KIRREL3: variants seen among roughly 807,000 people sequenced by gnomAD.
The protein encoded by KIRREL3 is kin of IRRE-like protein 3.
In KIRREL3, 36 loss-of-function variants were observed where a neutral mutation model predicts 89.7. The observed-to-expected ratio is 0.40, with a 90% CI of 0.31 to 0.53. KIRREL3 has a LOEUF of 0.53. Among genes scored for constraint, KIRREL3 ranks in the 20% least tolerant of loss-of-function variants. KIRREL3 has a pLI of 0.49. For missense variants in KIRREL3, 864 were observed against 1,056.6 expected, an observed-to-expected ratio of 0.82 and a Z score of 2.53; for synonymous variants, 445 against 441.4, an observed-to-expected ratio of 1.01 and a Z score of -0.10.
At position 126,723,628 on chromosome 11, in the gene KIRREL3, T is replaced by C. The variant is rs60636698; in HGVS notation, c.56-160716A>G. On this transcript the variant is annotated intron_variant, in intron 1 of 16. Coordinates refer to ENST00000525144, the MANE Select transcript of KIRREL3 (RefSeq NM_032531.4). This position sits in a 1 kb window ranked among gnomAD's most constrained non-coding sequence, Gnocchi z 4.0. The stretch of plus-strand genomic sequence containing the variant: ...GCAAACAGAACATTTTCTACTTTTC[T>C]ATACTGTAAGATTTTTGAAAGCAGT... Among the ~76,000 whole-genome samples the C allele has an allele frequency of 0.014, 2,080 of 152,342 alleles. 43 individuals are homozygous for C. The highest frequency in any genetic ancestry group is 0.044 in the African/African-American group (1,841 of 41,570).
rs1259011161 is a variant in KIRREL3 at position 126,537,940 on chromosome 11, C to A, written c.134-11253G>T. Among the ~76,000 whole-genome samples, 2 of 152,136 alleles carry A rather than the reference C, an allele frequency of 1.3e-5. No individual in the cohort carries two copies. Among genetic ancestry groups the A allele is most frequent in the Non-Finnish European group, 2.9e-5 (2 of 68,034 alleles). ...AGGCTTTGCAAATCTGAAGTTGCAC[C>A]CATTAGAATGCTGCATGGGTGGTGC... On this transcript the variant is annotated intron_variant, in intron 2 of 16. Coordinates refer to ENST00000525144, the MANE Select transcript of KIRREL3 (RefSeq NM_032531.4). This position sits in a 1 kb window ranked among gnomAD's most constrained non-coding sequence, Gnocchi z 4.3.
At position 126,454,857 on chromosome 11, in the gene KIRREL3, A is replaced by G. The variant is rs547450625; in HGVS notation, c.848+1492T>C. 1.3e-5 allele frequency among the ~76,000 whole-genome samples: 2 copies of G among 152,292 alleles called. No individual in the cohort carries two copies. Among genetic ancestry groups the G allele is most frequent in the South Asian group, 4.1e-4 (2 of 4,822 alleles). On this transcript the variant is annotated intron_variant, in intron 7 of 16. Transcript: ENST00000525144. This position sits in a 1 kb window ranked among gnomAD's most constrained non-coding sequence, Gnocchi z 5.8. ...CTAGTCAAGCAAATGGTTAAACTGG[A>G]CAGGACAAATGGGTTTCATCCTATT...
chr11:126,895,539 G>C (rs1392448086), intron 1 of KIRREL3, among the ~76,000 whole-genome samples: 1 of 151,848 alleles, frequency 6.6e-6, no homozygotes, highest in Non-Finnish European at 1.5e-5. Flanking sequence ...AAGGAAGAAA[G>C]GAACTTCCAA....
Position 126,430,042 on chromosome 11 carries a change from G to A in KIRREL3, c.1697-754C>T, listed in dbSNP as rs1955071146. Among the ~76,000 whole-genome samples the A allele has an allele frequency of 6.6e-6, 1 of 152,140 alleles. No individual in the cohort carries two copies. Among genetic ancestry groups the A allele is most frequent in the East Asian group, 1.9e-4 (1 of 5,170 alleles). On this transcript the variant is annotated intron_variant, in intron 14 of 16. Coordinates refer to ENST00000525144, the MANE Select transcript of KIRREL3 (RefSeq NM_032531.4). The surrounding 1 kb of genome is among the most constrained non-coding windows in gnomAD (Gnocchi z 6.6). ...GCCAGCTACTCGGGAGGCTGAGCAT[G>A]AGACTCGCTTGAATGAACCCGGGAG...
At position 126,723,147 on chromosome 11, in the gene KIRREL3, C is replaced by T. The variant is rs1242470486; in HGVS notation, c.56-160235G>A. On this transcript the variant is annotated intron_variant, in intron 1 of 16. Transcript: ENST00000525144. This position sits in a 1 kb window ranked among gnomAD's most constrained non-coding sequence, Gnocchi z 4.0. ...TGGGTAGGGACTGTGGTTTGTTCGTCTCCGTCCCAGGCATCTATCTCAGAG... is the reference window on the plus strand; with the variant it reads ...TGGGTAGGGACTGTGGTTTGTTCGTTTCCGTCCCAGGCATCTATCTCAGAG... 2.0e-5 allele frequency among the ~76,000 whole-genome samples: 3 copies of T among 152,216 alleles called. No homozygotes were observed. The highest frequency in any genetic ancestry group is 7.2e-5 in the African/African-American group (3 of 41,442).
chr11:126,552,717 T>G (rs779563873), intron 2 of KIRREL3, among the ~76,000 whole-genome samples: 11 of 151,944 alleles, frequency 7.2e-5, no homozygotes, highest in Non-Finnish European at 1.3e-4. Flanking sequence ...CCTGCCACCA[T>G]GCCCAGCTAA....
chr11:126,539,390 C>T (rs1938178122), intron 2 of KIRREL3, among the ~76,000 whole-genome samples: 4 of 152,080 alleles, frequency 2.6e-5, no homozygotes. Context: ...GAGAAGTCAT[C>T]AAAGGTTTTT....
At chr11:126,573,156 G>A (rs563698350) in intron 1 of KIRREL3, among the ~76,000 whole-genome samples, 8 of 152,322 alleles carry the variant, frequency 5.3e-5, no homozygotes, top group East Asian at 3.9e-4. Context: ...GGGACAGCAC[G>A]TCCTTGCCCC....
In KIRREL3 at chr11:126,485,818, T is replaced by C. The variant is rs1957345205; in HGVS notation, c.434-12352A>G. On this transcript the variant is annotated intron_variant, in intron 4 of 16. Transcript: ENST00000525144. This position sits in a 1 kb window ranked among gnomAD's most constrained non-coding sequence, Gnocchi z 5.8. ...AAGCACCTTTAAACCACTAGAGCGATGACAAGGAGGTCACAGACCCAAAGA... is the reference window on the plus strand; with the variant it reads ...AAGCACCTTTAAACCACTAGAGCGACGACAAGGAGGTCACAGACCCAAAGA... Among the ~76,000 whole-genome samples, 1 of 152,172 alleles carries C rather than the reference T, an allele frequency of 6.6e-6. No homozygotes were observed. Among genetic ancestry groups the C allele is most frequent in the Non-Finnish European group, 1.5e-5 (1 of 68,024 alleles).
intron 1 of KIRREL3, among the ~76,000 whole-genome samples, chr11:126,835,775 G>A (rs562199483): frequency 1.3e-5 from 2 of 152,284 alleles, no homozygotes; most frequent in South Asian, 4.2e-4. Context: ...AGTGTCTCTA[G>A]TGCCTTCCTT....
intron 1 of KIRREL3, among the ~76,000 whole-genome samples, chr11:126,589,061 T>C (rs1942011350): frequency 6.6e-6 from 1 of 152,160 alleles, no homozygotes; most frequent in Non-Finnish European, 1.5e-5. Flanking sequence ...ACTAGCTGCC[T>C]CTCCCGGTCC....
At chr11:126,858,463 G>A (rs1171275949) in intron 1 of KIRREL3, among the ~76,000 whole-genome samples, 1 of 152,146 alleles carries the variant, frequency 6.6e-6, no homozygotes. Context: ...GTCAGCAAAA[G>A]AGAATAATCT....
intron 3 of KIRREL3, among the ~76,000 whole-genome samples, chr11:126,524,370 A>C (rs139557234): frequency 4.4e-4 from 67 of 152,334 alleles, no homozygotes; most frequent in Non-Finnish European, 8.5e-4. Context: ...TAGAAGGGAG[A>C]GAAGACAGAG....
chr11:126,447,557 C>T (rs1249106033), intron 8 of KIRREL3, among the ~76,000 whole-genome samples: 1 of 152,174 alleles, frequency 6.6e-6, no homozygotes, highest in African/African-American at 2.4e-5. Context: ...GTGGAGCAGC[C>T]CTGGGTTCCA....
chr11:126,502,524 ATT>A (rs1293167575), intron 4 of KIRREL3, among the ~76,000 whole-genome samples: 1 of 152,232 alleles, frequency 6.6e-6, no homozygotes, highest in East Asian at 1.9e-4. Flanking sequence ...TCTGCTATAG[ATT>A]TTTAAGACCA....
intron 1 of KIRREL3, among the ~76,000 whole-genome samples, chr11:126,659,929 G>T (rs570133159): frequency 2.6e-5 from 4 of 152,308 alleles, no homozygotes; most frequent in African/African-American, 2.4e-5. Flanking sequence ...AAGAAGGCTG[G>T]AGGTGGCCTG....
At chr11:126,593,832 C>T (rs1942265512) in intron 1 of KIRREL3, among the ~76,000 whole-genome samples, 1 of 152,106 alleles carries the variant, frequency 6.6e-6, no homozygotes, top group East Asian at 1.9e-4. Context: ...TCTCAGATCA[C>T]CCCTCCAGGA....
At chr11:126,701,902 T>G (rs886534756) in intron 1 of KIRREL3, among the ~76,000 whole-genome samples, 14 of 152,136 alleles carry the variant, frequency 9.2e-5, no homozygotes, top group African/African-American at 3.1e-4. Context: ...GTTCTTTAGG[T>G]GCTAGTCAAG....
At chr11:126,850,830 C>T (rs765667782) in intron 1 of KIRREL3, among the ~76,000 whole-genome samples, 1 of 152,202 alleles carries the variant, frequency 6.6e-6, no homozygotes, top group Non-Finnish European at 1.5e-5. Flanking sequence ...GAGTACTCTG[C>T]CTGGGAGAAA....
Sources: allele counts gnomAD v4.1 joint callset (sites outside exome capture counted in the v4.1 genomes callset), GRCh38; gene constraint gnomAD v4.1.1; non-coding constraint Gnocchi (gnomAD v3.1); transcripts MANE v1.5; gene names NCBI Gene and HGNC (gene_info 2026-07-23, HGNC 2026-07-21).